The following EXOC1 variants were observed in gnomAD, a reference collection of about 807,000 sequenced individuals.
The protein encoded by EXOC1 is SEC3-like 1.
A neutral mutation model predicts 107.7 loss-of-function variants in EXOC1; 67 were observed. The ratio of observed to expected loss-of-function variants is 0.62; its 90% CI spans 0.51 to 0.76. The LOEUF (loss-of-function observed/expected upper bound fraction) is 0.76, where lower values mean the gene tolerates loss of function less well. Ranked by LOEUF, EXOC1 falls within the 30% of genes least tolerant of loss-of-function variation. The pLI, the probability that EXOC1 is intolerant of heterozygous loss-of-function variation, is 0.00. For missense variants in EXOC1, 833 were observed against 1,055.7 expected, an observed-to-expected ratio of 0.79 and a Z score of 2.92; for synonymous variants, 348 against 353.5, an observed-to-expected ratio of 0.98 and a Z score of 0.17.
intron 15 of EXOC1, among the ~76,000 whole-genome samples, chr4:55,894,614 CT>C (rs772700227): frequency 0.1 from 7,846 of 75,506 alleles, 73 homozygotes; most frequent in East Asian, 0.34. Context: ...CTATCTGTTA[CT>C]TTTTTTTTTT....
chr4:55,854,545 G>GA (rs1358779075), intron 1 of EXOC1, among the ~76,000 whole-genome samples: 2 of 152,182 alleles, frequency 1.3e-5, no homozygotes, highest in African/African-American at 2.4e-5. Flanking sequence ...AAATGCCATA[G>GA]AAACACCCGG....
intron 8 of EXOC1, 200 bp from the exon 9 acceptor site, chr4:55,877,717 G>T (rs1723029952): frequency 1.6e-5 from 16 of 982,828 alleles, no homozygotes; most frequent in Non-Finnish European, 1.9e-5. Flanking sequence ...TTATCTTATG[G>T]TGGTAATGTT....
chr4:55,873,230 A>G (rs1393945815), intron 8 of EXOC1, among the ~76,000 whole-genome samples: 1 of 152,086 alleles, frequency 6.6e-6, no homozygotes, highest in Non-Finnish European at 1.5e-5. Flanking sequence ...CTCAAGAGGG[A>G]TAAATGTTAT....
chr4:55,883,406 A>G (rs2109428167), intron 9 of EXOC1: 1 of 152,722 alleles, frequency 6.5e-6, no homozygotes, highest in Middle Eastern at 3.4e-3. Context: ...ATAGCAAAAC[A>G]TGGAAACCAC....
At chr4:55,876,453 G>A in intron 8 of EXOC1, 7 of 632,266 alleles carry the variant, frequency 1.1e-5, no homozygotes, top group Non-Finnish European at 1.4e-5. Context: ...AATATGAATA[G>A]TCACTCTAAG....
chr4:55,896,229 A>G (rs914501969), intron 15 of EXOC1, among the ~76,000 whole-genome samples: 3 of 152,284 alleles, frequency 2.0e-5, no homozygotes, highest in Admixed American at 6.5e-5. Flanking sequence ...GGCTCACTGC[A>G]ACCTCTGCCT....
At position 55,883,891 on chromosome 4, in the gene EXOC1, C is replaced by T; in HGVS notation, c.1293C>T (p.Ile431=). ...AAGATTTCTTTGAAGTTGCAAAGAT[C>T]AAGATGACTGGCACAACTAAAGAAA... ...EIKDFFEVAK[I]KMTGTTKESK... is the part of the protein sequence containing the mutation. Residue 431 remains isoleucine (I), a synonymous_variant, in exon 10 of 19, where the codon ATC becomes ATT. Transcript: ENST00000381295. The T allele has an allele frequency of 6.2e-7, 1 of 1,607,348 alleles. No homozygotes were observed. The highest frequency in any genetic ancestry group is 8.5e-7 in the Non-Finnish European group (1 of 1,177,778).
chr4:55,865,874 G>T (rs1048428280), intron 4 of EXOC1, among the ~76,000 whole-genome samples: 18 of 151,364 alleles, frequency 1.2e-4, no homozygotes, highest in African/African-American at 4.4e-4. Flanking sequence ...CAAGAGTATA[G>T]ACACGTTCAT....
chr4:55,886,505 A>G (rs1323900458), intron 10 of EXOC1, among the ~76,000 whole-genome samples: 1 of 151,020 alleles, frequency 6.6e-6, no homozygotes, highest in African/African-American at 2.4e-5. Flanking sequence ...GTGAGCCATG[A>G]TTGTGCCACT....
intron 3 of EXOC1, among the ~76,000 whole-genome samples, chr4:55,860,859 A>G (rs1008167699): frequency 6.6e-6 from 1 of 152,024 alleles, no homozygotes; most frequent in African/African-American, 2.4e-5. Context: ...CATATAACCA[A>G]AGTGATCCTT....
chr4:55,861,537 A>G (rs1427381474), intron 3 of EXOC1, among the ~76,000 whole-genome samples: 1 of 152,220 alleles, frequency 6.6e-6, no homozygotes, highest in East Asian at 1.9e-4. Context: ...TGGGTGCAAA[A>G]AAAATGAAGT....
chr4:55,888,769 T>A, intron 10 of EXOC1, 119 bp from the exon 11 acceptor site: 1 of 958,754 alleles, frequency 1.0e-6, no homozygotes, highest in African/African-American at 1.6e-5. Context: ...TTGATGCTCA[T>A]GGTTCTTTGC....
chr4:55,904,675 C>CA lies in EXOC1; in HGVS notation c.*181dup, dbSNP rs1726414109. On this transcript the variant is annotated 3_prime_UTR_variant, in exon 19 of 19. Transcript: ENST00000381295. ...AATGCAAAATTACCAACCTATATAG[C>CA]AGTTTTATTTGCCCTATAGGTTGCA... is the stretch of plus-strand genomic sequence containing the variant. The CA allele has an allele frequency of 1.2e-5, 6 of 517,364 alleles. No individual in the cohort carries two copies. The Admixed American group carries it at 1.2e-4, about 10-fold the overall frequency. The allele number at this position is 517,364 out of a possible 1,614,324, so 32.0% of individuals were successfully genotyped here. A position where few individuals can be genotyped will look rare whatever the true frequency, so the allele number is the denominator to read the frequency against.
At chr4:55,891,556 A>G in intron 13 of EXOC1, 134 bp downstream of exon 13, 1 of 611,440 alleles carries the variant, frequency 1.6e-6, no homozygotes, top group East Asian at 2.8e-5. Flanking sequence ...TTATGATGTA[A>G]GGATTTAGGA....
chr4:55,885,694 A>G (rs1035320567), intron 10 of EXOC1: 3 of 152,240 alleles, frequency 2.0e-5, no homozygotes, highest in East Asian at 1.9e-4. Context: ...GAAATGTTCT[A>G]TAAAACAAAT....
intron 10 of EXOC1, among the ~76,000 whole-genome samples, chr4:55,887,775 C>T (rs1415586198): frequency 2.6e-5 from 4 of 151,764 alleles, no homozygotes; most frequent in African/African-American, 7.3e-5. Context: ...TTTGCTCTGG[C>T]ACTGCTGAAC....
chr4:55,859,171 T>C (rs1306384500), intron 2 of EXOC1, among the ~76,000 whole-genome samples: 1 of 152,202 alleles, frequency 6.6e-6, no homozygotes, highest in Non-Finnish European at 1.5e-5. Context: ...TTTCAGACTT[T>C]GTTGGGATTT....
At chr4:55,884,776 G>A (rs1340877561) in intron 10 of EXOC1, among the ~76,000 whole-genome samples, 1 of 152,170 alleles carries the variant, frequency 6.6e-6, no homozygotes, top group East Asian at 1.9e-4. Context: ...AGGAGCCTAT[G>A]CCCTAAGCAA....
chr4:55,893,072 A>G (rs1361536365), intron 14 of EXOC1, among the ~76,000 whole-genome samples: 3 of 152,202 alleles, frequency 2.0e-5, no homozygotes, highest in African/African-American at 7.2e-5. Context: ...ATATTTTTAT[A>G]TCAAAAACTA....
Sources: gnomAD v4.1 joint callset for allele counts (sites outside exome capture counted in the v4.1 genomes callset) on GRCh38, gnomAD v4.1.1 for gene constraint, MANE v1.5 for transcripts, NCBI Gene and HGNC (gene_info 2026-07-23, HGNC 2026-07-21) for gene names.